The following FRYL variants were observed in gnomAD, a reference collection of about 807,000 sequenced individuals.
The protein encoded by FRYL is FRY like transcription coactivator.
A neutral mutation model predicts 351.2 loss-of-function variants in FRYL; 150 were observed. The observed-to-expected ratio is 0.43, with a 90% CI of 0.37 to 0.49. FRYL has a LOEUF of 0.49. Ranked by LOEUF, FRYL falls within the 20% of genes least tolerant of loss-of-function variation. The pLI is 0.00. For missense variants in FRYL, 3,036 were observed against 3,619.3 expected (o/e 0.84, Z 4.13); for synonymous variants, 1,153 against 1,257.1 (o/e 0.92, Z 1.75).
At chr4:48,587,549 T>A (rs573006748) in intron 18 of FRYL, among the ~76,000 whole-genome samples, 4 of 152,128 alleles carry the variant, frequency 2.6e-5, no homozygotes, top group Admixed American at 1.3e-4. Flanking sequence ...TTTTATTTTT[T>A]ATTTTTTTTT....
intron 10 of FRYL, 50 bp from the exon 11 acceptor site, chr4:48,605,883 A>C: frequency 9.3e-7 from 1 of 1,079,336 alleles, no homozygotes; most frequent in Non-Finnish European, 1.4e-6. Flanking sequence ...GGAAAGGTTA[A>C]AGAATTTGTA....
In FRYL at chr4:48,562,864, T is replaced by C. The variant is rs754481909; in HGVS notation, c.3696+25A>G. On this transcript the variant is annotated intron_variant, in intron 32 of 63. Coordinates refer to ENST00000358350, the MANE Select transcript of FRYL (RefSeq NM_015030.2). ...CTTCATTAAATCCTGAGTAAAAAAA[T>C]ATTTAAATTCACATGTTTACAAACC... is the stretch of plus-strand genomic sequence containing the variant. The C allele has an allele frequency of 1.2e-5, 15 of 1,298,558 alleles. No homozygotes were observed. The South Asian group carries it at 1.7e-4, about 15-fold the overall frequency. 80.4% of individuals were successfully genotyped at this position (1,298,558 alleles called of 1,614,324 possible). A position where few individuals can be genotyped will look rare whatever the true frequency, so the allele number is the denominator to read the frequency against.
chr4:48,593,325 TA>T lies in FRYL; in HGVS notation c.1335+604del, dbSNP rs1479433066. ...ACTTCCAGGAGCCAGCTGAGCTGAC[TA>T]ACCTGATAAAATTTTCCTTTCTTTA... On this transcript the variant is annotated intron_variant, in intron 16 of 63. Coordinates refer to ENST00000358350, the MANE Select transcript of FRYL (RefSeq NM_015030.2). Among the ~76,000 whole-genome samples the T allele has an allele frequency of 5.9e-5, 8 of 136,108 alleles. No homozygotes were observed. In the East Asian group the frequency reaches 1.8e-3, roughly 30 times the overall value. 89.3% of individuals were successfully genotyped at this position (136,108 alleles called of 152,430 possible). A position where few individuals can be genotyped will look rare whatever the true frequency, so the allele number is the denominator to read the frequency against.
chr4:48,731,824 A>T (rs1441380355), intron 1 of FRYL, among the ~76,000 whole-genome samples: 1 of 152,234 alleles, frequency 6.6e-6, no homozygotes, highest in Admixed American at 6.5e-5. Flanking sequence ...CTAGGACCAT[A>T]AAAATCCTAG....
At chr4:48,617,646 A>G (rs955668046) in intron 7 of FRYL, 1 of 151,004 alleles carries the variant, frequency 6.6e-6, no homozygotes, top group Non-Finnish European at 1.5e-5. Flanking sequence ...AAAGAGGAGG[A>G]GGAGGGCTAC....
At chr4:48,676,427 C>T (rs188167198) in intron 3 of FRYL, among the ~76,000 whole-genome samples, 18 of 152,272 alleles carry the variant, frequency 1.2e-4, no homozygotes, top group African/African-American at 3.6e-4. Context: ...ACACTCACCG[C>T]GAGGGTCCGC....
intron 1 of FRYL, among the ~76,000 whole-genome samples, chr4:48,723,982 G>C (rs1225916517): frequency 6.7e-6 from 1 of 149,236 alleles, no homozygotes; most frequent in Non-Finnish European, 1.5e-5. Context: ...AAAAAAATTA[G>C]GTGGGTGTGG....
chr4:48,708,911 T>TG (rs1344415992), intron 2 of FRYL, among the ~76,000 whole-genome samples: 2 of 81,010 alleles, frequency 2.5e-5, no homozygotes, highest in African/African-American at 9.5e-5. Context: ...GTATCGTGTG[T>TG]TTTTTTTTTT....
intron 3 of FRYL, among the ~76,000 whole-genome samples, chr4:48,663,968 A>G (rs1761287830): frequency 6.6e-6 from 1 of 152,158 alleles, no homozygotes; most frequent in Non-Finnish European, 1.5e-5. Context: ...GGAGCCTGAG[A>G]TAGGGTGGTC....
intron 17 of FRYL, among the ~76,000 whole-genome samples, chr4:48,590,428 C>T (rs1346354246): frequency 6.6e-6 from 1 of 152,020 alleles, no homozygotes; most frequent in East Asian, 1.9e-4. Flanking sequence ...AGCTTACAGT[C>T]AGCCAAGACT....
intron 3 of FRYL, among the ~76,000 whole-genome samples, chr4:48,677,555 C>T (rs1487329892): frequency 4.6e-5 from 7 of 151,870 alleles, no homozygotes; most frequent in Non-Finnish European, 8.8e-5. Flanking sequence ...GGATTACAGG[C>T]GCCTGCCACC....
intron 1 of FRYL, among the ~76,000 whole-genome samples, chr4:48,722,457 A>G (rs542924182): frequency 6.6e-6 from 1 of 152,316 alleles, no homozygotes; most frequent in East Asian, 1.9e-4. Flanking sequence ...ATATTTTTCC[A>G]TAATTTATAT....
intron 3 of FRYL, among the ~76,000 whole-genome samples, chr4:48,662,961 C>CA (rs1390831406): frequency 6.6e-6 from 1 of 151,774 alleles, no homozygotes; most frequent in East Asian, 1.9e-4. Flanking sequence ...ATCTGCACTA[C>CA]AAAAAATAAA....
chr4:48,745,248 A>ACTTTG (rs1772537387), intron 1 of FRYL, among the ~76,000 whole-genome samples: 1 of 152,232 alleles, frequency 6.6e-6, no homozygotes, highest in Admixed American at 6.5e-5. Flanking sequence ...CAATCCCATT[A>ACTTTG]CTGGGTATAT....
At chr4:48,723,062 A>C (rs1330972057) in intron 1 of FRYL, among the ~76,000 whole-genome samples, 2 of 151,922 alleles carry the variant, frequency 1.3e-5, no homozygotes, top group African/African-American at 4.8e-5. Context: ...TGGACATCTA[A>C]AGGACCTCAA....
chr4:48,604,660 C>G (rs999663498), intron 11 of FRYL, among the ~76,000 whole-genome samples: 20 of 152,198 alleles, frequency 1.3e-4, no homozygotes, highest in African/African-American at 4.6e-4. Flanking sequence ...AGGAACCAAC[C>G]TGCTGGCACT....
rs80238141 is a variant in FRYL at position 48,659,268 on chromosome 4, T to C, written c.-80-24778A>G. Among the ~76,000 whole-genome samples the C allele has an allele frequency of 8.6e-3, 1,297 of 151,186 alleles. 105 individuals are homozygous for C. The East Asian group carries it at 0.19, about 22-fold the overall frequency. Reference sequence around the variant, plus strand: ...CGGGAGGCTGAGACACAAGAATTACTGGAACCCCGGAGGCGGAGGTTGCAG... The same window carrying C: ...CGGGAGGCTGAGACACAAGAATTACCGGAACCCCGGAGGCGGAGGTTGCAG... On this transcript the variant is annotated intron_variant, in intron 3 of 63. Coordinates refer to ENST00000358350, the MANE Select transcript of FRYL (RefSeq NM_015030.2).
intron 3 of FRYL, among the ~76,000 whole-genome samples, chr4:48,672,378 C>G (rs1442975916): frequency 7.9e-5 from 12 of 152,148 alleles, no homozygotes; most frequent in Non-Finnish European, 1.5e-4. Flanking sequence ...CAGAAGATAA[C>G]AGAGAAGACA....
In FRYL at chr4:48,606,534, C is replaced by G. The variant is rs780132295; in HGVS notation, c.645G>C (p.Val215=). 1 of 1,612,854 alleles carries G rather than the reference C, an allele frequency of 6.2e-7. No individual in the cohort carries two copies. The highest frequency in any genetic ancestry group is 1.1e-5 in the South Asian group (1 of 90,962). The change falls in exon 10 of 64, where the codon GTG becomes GTC. Residue 215 remains valine (V), a synonymous_variant. Transcript: ENST00000358350. ...ELRQKEQSPH[V]VQSVISLIMG... is the part of the protein sequence containing the mutation. ...TTATTAAGCTGATGACACTTTGTACCACATGTGGGCTTTGTTCCTTTTGTC... is the reference window on the plus strand; with the variant it reads ...TTATTAAGCTGATGACACTTTGTACGACATGTGGGCTTTGTTCCTTTTGTC...
Sources: allele counts gnomAD v4.1 joint callset (sites outside exome capture counted in the v4.1 genomes callset), GRCh38; gene constraint gnomAD v4.1.1; transcripts MANE v1.5; gene names NCBI Gene and HGNC (gene_info 2026-07-23, HGNC 2026-07-21).